VEPH1: variants seen among roughly 807,000 people sequenced by gnomAD.
VEPH1 encodes ventricular zone-expressed PH domain-containing protein homolog 1.
A neutral mutation model predicts 85.2 loss-of-function variants in VEPH1; 80 were observed. The ratio of observed to expected loss-of-function variants is 0.94; its 90% CI spans 0.78 to 1.13. The LOEUF (loss-of-function observed/expected upper bound fraction) is 1.13, where lower values mean the gene tolerates loss of function less well. Among genes scored for constraint, VEPH1 ranks in the 50% most tolerant of loss-of-function variants. The pLI is 0.00. For missense variants in VEPH1, 955 were observed against 980.5 expected, an observed-to-expected ratio of 0.97 and a Z score of 0.35; for synonymous variants, 297 against 348.0, an observed-to-expected ratio of 0.85 and a Z score of 1.63.
At chr3:157,467,394 T>C (rs1736491272) in intron 3 of VEPH1, among the ~76,000 whole-genome samples, 1 of 152,046 alleles carries the variant, frequency 6.6e-6, no homozygotes, top group Non-Finnish European at 1.5e-5. Context: ...TGGCCTATTG[T>C]TTCATTTTAC....
intron 11 of VEPH1, among the ~76,000 whole-genome samples, chr3:157,303,203 C>T (rs1392953881): frequency 6.6e-6 from 1 of 152,134 alleles, no homozygotes; most frequent in Non-Finnish European, 1.5e-5. Context: ...AAATTGTTCT[C>T]ATTGCCAGGA....
chr3:157,415,557 GC>G (rs1237428506), intron 5 of VEPH1, among the ~76,000 whole-genome samples: 1 of 152,002 alleles, frequency 6.6e-6, no homozygotes, highest in Non-Finnish European at 1.5e-5. Context: ...CTTCAGTCTT[GC>G]CCATCCAATC....
At chr3:157,471,231 T>C (rs1736924776) in intron 2 of VEPH1, among the ~76,000 whole-genome samples, 1 of 152,190 alleles carries the variant, frequency 6.6e-6, no homozygotes, top group Admixed American at 6.5e-5. Context: ...CCTGACATCA[T>C]CATGTGAGAT....
intron 4 of VEPH1, among the ~76,000 whole-genome samples, chr3:157,434,005 C>T (rs1172660685): frequency 1.3e-5 from 2 of 151,874 alleles, no homozygotes; most frequent in African/African-American, 4.8e-5. Context: ...TATGGATTTG[C>T]CCATTTCTCC....
At chr3:157,279,239 A>C (rs1361663284) in intron 12 of VEPH1, among the ~76,000 whole-genome samples, 1 of 152,208 alleles carries the variant, frequency 6.6e-6, no homozygotes, top group Non-Finnish European at 1.5e-5. Flanking sequence ...TCCAGAGAGT[A>C]GGAAGGAAGC....
intron 1 of VEPH1, chr3:157,499,434 G>A (rs573185356): frequency 6.6e-6 from 1 of 152,278 alleles, no homozygotes; most frequent in Admixed American, 6.5e-5. Context: ...CAGTTACTCA[G>A]CTGCATGGTT....
chr3:157,340,101 C>G (rs1010189211), intron 9 of VEPH1, among the ~76,000 whole-genome samples: 4 of 152,192 alleles, frequency 2.6e-5, no homozygotes, highest in African/African-American at 7.2e-5. Flanking sequence ...GTGAGCGACG[C>G]AGAAGACGGG....
chr3:157,283,913 T>A (rs533522256), intron 12 of VEPH1, among the ~76,000 whole-genome samples: 1 of 152,326 alleles, frequency 6.6e-6, no homozygotes, highest in South Asian at 2.1e-4. Context: ...CCCTTCTCCC[T>A]GAGGCTGATA....
chr3:157,272,405 T>TTCTTTCTTTCTG (rs1184795483), intron 12 of VEPH1, among the ~76,000 whole-genome samples: 1 of 146,410 alleles, frequency 6.8e-6, no homozygotes. Context: ...CTTTCTTTCT[T>TTCTTTCTTTCTG]TCTTTCTTTC....
intron 4 of VEPH1, among the ~76,000 whole-genome samples, chr3:157,454,419 C>G (rs2109324968): frequency 6.6e-6 from 1 of 152,162 alleles, no homozygotes; most frequent in African/African-American, 2.4e-5. Flanking sequence ...TGCAATGGTA[C>G]TAAGAACCCA....
intron 4 of VEPH1, among the ~76,000 whole-genome samples, chr3:157,430,111 G>A (rs1344362171): frequency 6.6e-6 from 1 of 152,168 alleles, no homozygotes; most frequent in Non-Finnish European, 1.5e-5. Context: ...GAACATTGGT[G>A]TGCCTACCAA....
At chr3:157,286,427 G>T in intron 12 of VEPH1, 130 bp downstream of exon 12, 2 of 766,638 alleles carry the variant, frequency 2.6e-6, no homozygotes, top group African/African-American at 1.7e-5. Flanking sequence ...ACAAAGCAGG[G>T]ACATGACTCT....
chr3:157,363,196 T>C, intron 9 of VEPH1, 168 bp downstream of exon 9: 1 of 577,628 alleles, frequency 1.7e-6, no homozygotes, highest in Non-Finnish European at 2.7e-6. Context: ...ATCAACCTTT[T>C]CTTGGGAAAA....
rs948559385 is a variant in VEPH1 at position 157,495,501 on chromosome 3, C to T, written c.-152G>A. 7.5e-6 allele frequency: 11 copies of T among 1,472,770 alleles called. No individual in the cohort carries two copies. The highest frequency in any genetic ancestry group is 2.3e-5 in the East Asian group (1 of 43,188). 91.2% of individuals were successfully genotyped at this position (1,472,770 alleles called of 1,614,324 possible). A position where few individuals can be genotyped will look rare whatever the true frequency, so the allele number is the denominator to read the frequency against. On this transcript the variant is annotated 5_prime_UTR_variant, in exon 2 of 14. Coordinates refer to ENST00000362010, the MANE Select transcript of VEPH1 (RefSeq NM_001167912.2). ...CTCCAGACTTTGAGGTCTTCATTGA[C>T]ACTCTCTGCAAGGGAAACAAATGAC... is the stretch of plus-strand genomic sequence containing the variant.
intron 13 of VEPH1, among the ~76,000 whole-genome samples, chr3:157,264,723 G>A (rs897643006): frequency 6.6e-6 from 1 of 152,134 alleles, no homozygotes. Flanking sequence ...TTTGAGGATT[G>A]TTTGAGGCAA....
At chr3:157,381,076 G>A (rs1002832406) in intron 7 of VEPH1, 80 bp downstream of exon 7, 7 of 1,437,124 alleles carry the variant, frequency 4.9e-6, no homozygotes, top group African/African-American at 1.4e-5. Flanking sequence ...TCCTTTGGAA[G>A]TTAGAGAGGC....
intron 7 of VEPH1, among the ~76,000 whole-genome samples, chr3:157,368,073 A>C (rs1726930849): frequency 6.6e-6 from 1 of 152,332 alleles, no homozygotes; most frequent in African/African-American, 2.4e-5. Flanking sequence ...TTCACCATCT[A>C]TAAAATGCAG....
intron 7 of VEPH1, among the ~76,000 whole-genome samples, chr3:157,375,368 A>T (rs1451888304): frequency 6.6e-6 from 1 of 152,216 alleles, no homozygotes; most frequent in Non-Finnish European, 1.5e-5. Context: ...CATGTGCATT[A>T]CTGTTATTTC....
chr3:157,377,887 C>T (rs1173090558), intron 7 of VEPH1, among the ~76,000 whole-genome samples: 2 of 150,910 alleles, frequency 1.3e-5, no homozygotes, highest in Non-Finnish European at 2.9e-5. Context: ...GTTAAGATGC[C>T]TATGTAACAC....
Sources: gnomAD v4.1 joint callset for allele counts (sites outside exome capture counted in the v4.1 genomes callset) on GRCh38, gnomAD v4.1.1 for gene constraint, MANE v1.5 for transcripts, NCBI Gene and HGNC (gene_info 2026-07-23, HGNC 2026-07-21) for gene names.